RBBP8: variants seen among roughly 807,000 people sequenced by gnomAD.
RBBP8 encodes DNA endonuclease RBBP8.
In RBBP8, 88 loss-of-function variants were observed where a neutral mutation model predicts 108.3. That is an observed-to-expected ratio of 0.81 (90% CI 0.68 to 0.97). The LOEUF is 0.97. Among genes scored for constraint, RBBP8 ranks in the 50% least tolerant of loss-of-function variants. The pLI is 0.00. For missense variants in RBBP8, 1,023 were observed against 1,049.0 expected (o/e 0.98, Z 0.34); for synonymous variants, 332 against 348.2 (o/e 0.95, Z 0.52).
chr18:22,970,119 A>G (rs1022853636), intron 5 of RBBP8, among the ~76,000 whole-genome samples: 35 of 152,350 alleles, frequency 2.3e-4, no homozygotes, highest in African/African-American at 8.2e-4. Context: ...TACCAAATGC[A>G]GTCTCTACGC....
chr18:23,007,363 T>G (rs1240032875), intron 16 of RBBP8, among the ~76,000 whole-genome samples: 1 of 152,018 alleles, frequency 6.6e-6, no homozygotes, highest in Non-Finnish European at 1.5e-5. Context: ...TTATTCTATC[T>G]TTTCAACTTG....
chr18:23,010,873 A>G (rs2046146403), intron 16 of RBBP8, among the ~76,000 whole-genome samples: 1 of 152,206 alleles, frequency 6.6e-6, no homozygotes, highest in Admixed American at 6.5e-5. Context: ...TTTGAGGTCT[A>G]CTACAGATGC....
chr18:22,961,170 G>A (rs974653786), intron 4 of RBBP8, among the ~76,000 whole-genome samples: 9 of 152,156 alleles, frequency 5.9e-5, no homozygotes, highest in South Asian at 2.1e-4. Context: ...AAGGAAAAGC[G>A]AATGACAAAA....
intron 18 of RBBP8, among the ~76,000 whole-genome samples, chr18:23,022,651 T>TAAAATAAA (rs370599195): frequency 2.0e-4 from 17 of 84,324 alleles, no homozygotes; most frequent in African/African-American, 5.8e-4. Flanking sequence ...TAAAATACAA[T>TAAAATAAA]ATAAAATAAA....
At chr18:23,024,868 C>T (rs564213151) in intron 18 of RBBP8, among the ~76,000 whole-genome samples, 1 of 152,122 alleles carries the variant, frequency 6.6e-6, no homozygotes, top group African/African-American at 2.4e-5. Context: ...AAATTTTTAC[C>T]CACAAGACGA....
At position 23,016,899 on chromosome 18, in the gene RBBP8, G is replaced by T; in HGVS notation, c.2429G>T (p.Gly810Val). The change falls in exon 17 of 19, where the codon GGG becomes GTG. Residue 810 changes from glycine (G) to valine (V), a missense_variant. Physicochemically the swap from Gly to Val is moderately radical, Grantham distance 109 (BLOSUM62 -3). Coordinates refer to ENST00000327155, the MANE Select transcript of RBBP8 (RefSeq NM_002894.3). ...AAAGAGGAGAGAAGAAAACTGCTTG[G>T]GCACACGTGTAAGGAATGTGAAATT... Reference protein sequence around the residue: ...RKKEERRKLLGHTCKECEIYY... With the variant: ...RKKEERRKLLVHTCKECEIYY... 1.9e-6 allele frequency: 3 copies of T among 1,613,550 alleles called. No individual in the cohort carries two copies. The highest frequency in any genetic ancestry group is 8.5e-7 in the Non-Finnish European group (1 of 1,179,726).
At chr18:23,021,394 G>C (rs969467189) in intron 17 of RBBP8, among the ~76,000 whole-genome samples, 1 of 152,012 alleles carries the variant, frequency 6.6e-6, no homozygotes, top group African/African-American at 2.4e-5. Context: ...CAGCCTGGGT[G>C]ACAGAGCAGG....
At chr18:22,949,499 C>G in intron 3 of RBBP8, 119 bp from the exon 4 acceptor site, 1 of 762,696 alleles carries the variant, frequency 1.3e-6, no homozygotes, top group South Asian at 1.5e-5. Flanking sequence ...TCCAACCTGA[C>G]CTTTTCAGTT....
intron 3 of RBBP8, among the ~76,000 whole-genome samples, chr18:22,928,063 G>A (rs1413193290): frequency 6.6e-6 from 1 of 151,742 alleles, no homozygotes; most frequent in African/African-American, 2.4e-5. Context: ...ACAATAATTA[G>A]CTAGGCAGGT....
rs139706715 is a variant in RBBP8, at chr18:22,949,693, C to G, written c.228C>G (p.Thr76=). ...LREQQKVLHE[T]IKVLEDRLRA... is the part of the protein sequence containing the mutation. Reference sequence around the variant, plus strand: ...AACAGCAGAAAGTCCTTCATGAAACCATTAAAGTTTTAGAAGATCGGTGAG... The same window carrying G: ...AACAGCAGAAAGTCCTTCATGAAACGATTAAAGTTTTAGAAGATCGGTGAG... The change falls in exon 4 of 19, where the codon ACC becomes ACG. Residue 76 remains threonine (T), a synonymous_variant. Transcript: ENST00000327155. The G allele has an allele frequency of 1.2e-6, 2 of 1,612,114 alleles. No homozygotes were observed. The highest frequency in any genetic ancestry group is 2.7e-5 in the African/African-American group (2 of 74,846).
At chr18:23,012,897 G>T (rs1416525567) in intron 16 of RBBP8, among the ~76,000 whole-genome samples, 2 of 152,088 alleles carry the variant, frequency 1.3e-5, no homozygotes. Flanking sequence ...GGGTTAATGC[G>T]CTGGTGACTT....
chr18:23,016,238 AT>A (rs112885172), intron 16 of RBBP8, among the ~76,000 whole-genome samples: 12 of 149,514 alleles, frequency 8.0e-5, no homozygotes, highest in South Asian at 2.1e-4. Flanking sequence ...TAATTTTAGG[AT>A]TTTTTTTTTA....
In RBBP8 at chr18:22,959,735, T is replaced by TG. The variant is rs1912907178; in HGVS notation, c.249-9071_249-9070insG. 3.3e-5 allele frequency among the ~76,000 whole-genome samples: 5 copies of TG among 151,948 alleles called. No individual in the cohort carries two copies. The South Asian group carries it at 1.0e-3, about 32-fold the overall frequency. ...CTGTATATTTATATGTGTGTGTGTG[T>TG]TTGTGTGTGTGTGTGTGTATACTCT... On this transcript the variant is annotated intron_variant, in intron 4 of 18. Transcript: ENST00000327155.
rs1029278951 is a variant in RBBP8 at position 23,016,716 on chromosome 18, A to G, written c.2358-112A>G. On this transcript the variant is annotated intron_variant, in intron 16 of 18. Coordinates refer to ENST00000327155, the MANE Select transcript of RBBP8 (RefSeq NM_002894.3). ...CACTTAATAAGTATTTGACGAAGCA[A>G]TATTTTTCTAACATACTGAATAAAC... 16 of 830,910 alleles carry G rather than the reference A, an allele frequency of 1.9e-5. No individual in the cohort carries two copies. In the East Asian group the frequency reaches 2.4e-4, roughly 12 times the overall value. The allele number at this position is 830,910 out of a possible 1,614,324, so 51.5% of individuals were successfully genotyped here. A position where few individuals can be genotyped will look rare whatever the true frequency, so the allele number is the denominator to read the frequency against.
intron 4 of RBBP8, among the ~76,000 whole-genome samples, chr18:22,952,906 T>G (rs1010244443): frequency 2.6e-5 from 4 of 152,172 alleles, no homozygotes; most frequent in Non-Finnish European, 5.9e-5. Flanking sequence ...TTGGAGTGAG[T>G]AATGGCATTA....
intron 15 of RBBP8, among the ~76,000 whole-genome samples, chr18:23,003,273 G>A (rs955645063): frequency 4.6e-5 from 7 of 152,174 alleles, no homozygotes; most frequent in East Asian, 3.8e-4. Context: ...CAGCTTAAAC[G>A]TAATGTCTAA....
intron 14 of RBBP8, among the ~76,000 whole-genome samples, chr18:22,998,737 A>T (rs2045899837): frequency 6.6e-6 from 1 of 152,230 alleles, no homozygotes; most frequent in South Asian, 2.1e-4. Context: ...CTTCTTTTGA[A>T]TCTACTTATC....
At chr18:23,022,568 C>T (rs2046363303) in intron 18 of RBBP8, among the ~76,000 whole-genome samples, 1 of 140,952 alleles carries the variant, frequency 7.1e-6, no homozygotes, top group South Asian at 2.2e-4. Context: ...TGCCATTGCA[C>T]TCCAGCCTGG....
chr18:22,987,645 T>C (rs1915419907), intron 8 of RBBP8, among the ~76,000 whole-genome samples: 1 of 152,088 alleles, frequency 6.6e-6, no homozygotes, highest in Non-Finnish European at 1.5e-5. Flanking sequence ...TAGAACAGTG[T>C]TTCACCATGT....
Sources: allele counts gnomAD v4.1 joint callset (sites outside exome capture counted in the v4.1 genomes callset), GRCh38; gene constraint gnomAD v4.1.1; transcripts MANE v1.5; gene names NCBI Gene and HGNC (gene_info 2026-07-23, HGNC 2026-07-21).